PI4KA: variants seen among roughly 807,000 people sequenced by gnomAD.
PI4KA encodes PI4-kinase alpha.
In PI4KA, 122 loss-of-function variants were observed where a neutral mutation model predicts 271.4. The observed-to-expected ratio is 0.45, with a 90% CI of 0.39 to 0.52. PI4KA has a LOEUF of 0.52. Among genes scored for constraint, PI4KA ranks in the 20% least tolerant of loss-of-function variants. The probability of loss-of-function intolerance (pLI) is 0.00; values close to 1 mark genes in which losing one functional copy is unlikely to be tolerated. For missense variants in PI4KA, 1,969 were observed against 2,769.1 expected (o/e 0.71, Z 6.48); for synonymous variants, 1,041 against 1,078.8 (o/e 0.96, Z 0.69).
At chr22:20,852,505 G>T (rs1927111027) in intron 1 of PI4KA, among the ~76,000 whole-genome samples, 1 of 152,138 alleles carries the variant, frequency 6.6e-6, no homozygotes, top group Admixed American at 6.5e-5. Context: ...ACTTTGTTAT[G>T]GCAGCCTAGC....
chr22:20,729,648 A>AGC lies in PI4KA; in HGVS notation c.4470_4471dup (p.Leu1491ArgfsTer28). On this transcript the variant is annotated frameshift_variant, in exon 38 of 55. Coordinates refer to ENST00000255882, the MANE Select transcript of PI4KA (RefSeq NM_058004.4). LOFTEE classifies it high-confidence loss of function. ...GGGCCTTACCAGCAGGGACAGCAGCAGCGTCCTGCGCTTCATGTAGTATTT... is the reference window on the plus strand; with the variant it reads ...GGGCCTTACCAGCAGGGACAGCAGCAGCGCGTCCTGCGCTTCATGTAGTATTT... 6.4e-7 allele frequency: 1 copy of AGC among 1,573,860 alleles called. No individual in the cohort carries two copies. The highest frequency in any genetic ancestry group is 8.6e-7 in the Non-Finnish European group (1 of 1,157,918).
chr22:20,765,298 G>T, intron 20 of PI4KA, 62 bp from the exon 21 acceptor site: 7 of 1,495,794 alleles, frequency 4.7e-6, no homozygotes, highest in South Asian at 2.6e-5. Context: ...CAGTGAGGTT[G>T]ACTGACAATT....
At chr22:20,827,710 T>C (rs1035384349) in intron 3 of PI4KA, among the ~76,000 whole-genome samples, 4 of 152,200 alleles carry the variant, frequency 2.6e-5, no homozygotes, top group African/African-American at 9.6e-5. Flanking sequence ...TTTGTTTGTG[T>C]AAGCTCTGAT....
intron 8 of PI4KA, among the ~76,000 whole-genome samples, chr22:20,812,957 T>C (rs1921262435): frequency 6.6e-6 from 1 of 152,142 alleles, no homozygotes; most frequent in Non-Finnish European, 1.5e-5. Context: ...GGTACCCAAA[T>C]ATGAAAAAGT....
intron 45 of PI4KA, among the ~76,000 whole-genome samples, chr22:20,715,088 T>C (rs1338728224): frequency 2.0e-5 from 3 of 151,828 alleles, no homozygotes; most frequent in Admixed American, 1.3e-4. Flanking sequence ...TTTTTTTTTT[T>C]TGGATAGAGT....
At chr22:20,846,835 C>CA (rs361933) in intron 1 of PI4KA, among the ~76,000 whole-genome samples, 16,464 of 61,736 alleles carry the variant, frequency 0.27, 2,300 homozygotes, top group Non-Finnish European at 0.35. Context: ...AGTGCAGGCT[C>CA]AAAAAAAAAA....
intron 1 of PI4KA, among the ~76,000 whole-genome samples, chr22:20,856,625 G>T (rs1333439567): frequency 6.6e-6 from 1 of 151,904 alleles, no homozygotes; most frequent in African/African-American, 2.4e-5. Context: ...GCAGAGACAG[G>T]GTTTCACCAT....
chr22:20,837,183 T>C (rs1017828744), intron 2 of PI4KA, among the ~76,000 whole-genome samples: 1 of 152,110 alleles, frequency 6.6e-6, no homozygotes, highest in Non-Finnish European at 1.5e-5. Flanking sequence ...GAGACCAGGG[T>C]TGGAGATCAA....
intron 7 of PI4KA, among the ~76,000 whole-genome samples, chr22:20,814,681 G>A (rs1348668560): frequency 2.6e-5 from 4 of 151,724 alleles, no homozygotes; most frequent in Admixed American, 6.6e-5. Context: ...CTGGGAGGTC[G>A]AGGCTACAGT....
chr22:20,806,649 G>A (rs528241427), intron 10 of PI4KA, among the ~76,000 whole-genome samples: 38 of 152,044 alleles, frequency 2.5e-4, no homozygotes, highest in Admixed American at 4.6e-4. Context: ...TCCAGCCTGG[G>A]CGACAGGGAA....
chr22:20,758,382 A>C (rs894547152), intron 23 of PI4KA, among the ~76,000 whole-genome samples: 47 of 148,452 alleles, frequency 3.2e-4, no homozygotes, highest in Non-Finnish European at 6.2e-4. Flanking sequence ...AAAAAAAAAA[A>C]AAAAAAACAT....
intron 1 of PI4KA, among the ~76,000 whole-genome samples, chr22:20,851,640 G>A (rs553269136): frequency 4.0e-4 from 61 of 152,230 alleles, no homozygotes; most frequent in African/African-American, 1.2e-3. Flanking sequence ...GCCCGGCTGC[G>A]TTGGTTATCC....
chr22:20,785,829 T>C (rs117300316), intron 19 of PI4KA, among the ~76,000 whole-genome samples: 4,517 of 152,290 alleles, frequency 0.03, 88 homozygotes, highest in Middle Eastern at 0.061. Flanking sequence ...GTAGCGGAAT[T>C]ACAAAGGAGT....
intron 19 of PI4KA, chr22:20,783,845 A>G: frequency 7.9e-7 from 1 of 1,261,436 alleles, no homozygotes; most frequent in Non-Finnish European, 1.2e-6. Flanking sequence ...AGGAATCAAG[A>G]GACTGTGGGG....
At chr22:20,765,912 A>G (rs974971070) in intron 19 of PI4KA, among the ~76,000 whole-genome samples, 5 of 152,184 alleles carry the variant, frequency 3.3e-5, no homozygotes, top group Admixed American at 2.6e-4. Context: ...TGTGCCAGGG[A>G]GGAAAAAGCC....
At chr22:20,797,750 C>T (rs762543879) in intron 17 of PI4KA, among the ~76,000 whole-genome samples, 2 of 151,944 alleles carry the variant, frequency 1.3e-5, no homozygotes, top group South Asian at 2.1e-4. Flanking sequence ...CATGGCATGG[C>T]TCCACAGCTG....
intron 1 of PI4KA, among the ~76,000 whole-genome samples, chr22:20,842,246 A>T (rs1184997909): frequency 1.3e-5 from 2 of 152,084 alleles, no homozygotes; most frequent in East Asian, 3.9e-4. Flanking sequence ...CATATTAAAA[A>T]AAAATGAAAA....
chr22:20,738,667 G>A (rs1929020799), intron 32 of PI4KA, among the ~76,000 whole-genome samples: 1 of 152,128 alleles, frequency 6.6e-6, no homozygotes, highest in Non-Finnish European at 1.5e-5. Flanking sequence ...GGAGAAGCCT[G>A]ACACAGGCCA....
Position 20,751,748 on chromosome 22 carries a change from G to A in PI4KA, c.2995C>T (p.His999Tyr). Residue 999 changes from histidine to tyrosine, a missense_variant, in exon 26 of 55, where the codon CAC becomes TAC. His to Tyr is a moderately conservative substitution (Grantham distance 83). Around this residue, in one of 13 missense-constraint regions of PI4KA, gnomAD observed 368 missense variants for 544.3 expected, o/e 0.68. Coordinates refer to ENST00000255882, the MANE Select transcript of PI4KA (RefSeq NM_058004.4). ...YLSGLVDKFP[H>Y]LLWSGTVLKT... ...AGCACAGTCCCGCTCCAGAGCAAGT[G>A]GGGAAACCTGCACCAAGAGCCAGCT... 2 of 1,613,910 alleles carry A rather than the reference G, an allele frequency of 1.2e-6. No homozygotes were observed. Among genetic ancestry groups the A allele is most frequent in the Non-Finnish European group, 1.7e-6 (2 of 1,179,812 alleles).
Sources: allele counts gnomAD v4.1 joint callset (sites outside exome capture counted in the v4.1 genomes callset), GRCh38; gene constraint gnomAD v4.1.1; regional missense constraint gnomAD v4.1.1; transcripts MANE v1.5; gene names NCBI Gene and HGNC (gene_info 2026-07-23, HGNC 2026-07-21).